TNIK: variants seen among roughly 807,000 people sequenced by gnomAD.
The protein encoded by TNIK is TRAF2 and NCK-interacting protein kinase.
In TNIK, 49 loss-of-function variants were observed where a neutral mutation model predicts 191.3. That is an observed-to-expected ratio of 0.26 (90% CI 0.20 to 0.32). TNIK has a LOEUF of 0.32. Ranked by LOEUF, TNIK falls within the 10% of genes least tolerant of loss-of-function variation. The pLI is 1.00. For missense variants in TNIK, 1,155 were observed against 1,702.3 expected, an observed-to-expected ratio of 0.68 and a Z score of 5.66; for synonymous variants, 594 against 600.9, an observed-to-expected ratio of 0.99 and a Z score of 0.17.
intron 9 of TNIK, 78 bp from the exon 10 acceptor site, chr3:171,167,348 G>C (rs1734738040): frequency 5.2e-6 from 8 of 1,540,876 alleles, no homozygotes; most frequent in Non-Finnish European, 7.0e-6. Context: ...TGAAATGCTG[G>C]GACTTTTTCT....
intron 2 of TNIK, among the ~76,000 whole-genome samples, chr3:171,278,795 G>A (rs919337426): frequency 6.6e-6 from 1 of 152,178 alleles, no homozygotes; most frequent in African/African-American, 2.4e-5. Context: ...CCACTTGACT[G>A]TCAAAAGAAC....
In TNIK at chr3:171,346,538, G is replaced by A. The variant is rs112900487; in HGVS notation, c.123+23082C>T. The stretch of plus-strand genomic sequence containing the variant: ...GGTAAGCAAAGTAGACAAGTCTCTG[G>A]CCTCATGGAGCTTATAGTCTGATAA... On this transcript the variant is annotated intron_variant, in intron 2 of 32. Coordinates refer to ENST00000436636, the MANE Select transcript of TNIK (RefSeq NM_015028.4). Among the ~76,000 whole-genome samples the A allele has an allele frequency of 4.3e-4, 65 of 152,184 alleles. 1 individual carries two copies. Among genetic ancestry groups the A allele is most frequent in the African/African-American group, 1.6e-3 (65 of 41,500 alleles).
chr3:171,272,070 C>T (rs1749171278), intron 2 of TNIK, among the ~76,000 whole-genome samples: 2 of 152,132 alleles, frequency 1.3e-5, no homozygotes, highest in South Asian at 4.1e-4. Context: ...TAGCCACCAC[C>T]CGGAGATGGT....
In TNIK at chr3:171,108,169, GA is replaced by G. The variant is rs773199959; in HGVS notation, c.2285-8del. On this transcript the variant is annotated splice_polypyrimidine_tract_variant and splice_region_variant and intron_variant, in intron 19 of 32. Transcript: ENST00000436636. ...CCTTCTGACTTACTGTTGGCTAGAG[GA>G]AAAAAACAGAGGACCAAGAAAGAGA... 2.5e-5 allele frequency: 38 copies of G among 1,526,432 alleles called. No homozygotes were observed. Among genetic ancestry groups the G allele is most frequent in the East Asian group, 2.4e-5 (1 of 41,144 alleles). 94.6% of individuals were successfully genotyped at this position (1,526,432 alleles called of 1,614,324 possible).
At chr3:171,229,718 T>C (rs1015876439) in intron 2 of TNIK, among the ~76,000 whole-genome samples, 2 of 152,166 alleles carry the variant, frequency 1.3e-5, no homozygotes, top group African/African-American at 2.4e-5. Flanking sequence ...ATCTATTTAC[T>C]CTGATTCTGA....
intron 1 of TNIK, among the ~76,000 whole-genome samples, chr3:171,406,766 G>A (rs534482842): frequency 6.6e-6 from 1 of 152,206 alleles, no homozygotes; most frequent in African/African-American, 2.4e-5. Flanking sequence ...TTCTAGTAAA[G>A]AGCCCAAGAA....
chr3:171,088,047 C>A (rs776756353), intron 23 of TNIK, among the ~76,000 whole-genome samples: 2 of 152,170 alleles, frequency 1.3e-5, no homozygotes, highest in Middle Eastern at 3.2e-3. Flanking sequence ...TCAGATCTGA[C>A]AGGAGTTCCA....
intron 22 of TNIK, among the ~76,000 whole-genome samples, chr3:171,096,233 A>G (rs1230255271): frequency 6.6e-6 from 1 of 151,424 alleles, no homozygotes; most frequent in Admixed American, 6.6e-5. Context: ...TCCTAGTCAG[A>G]CCTGCTTCCT....
At chr3:171,194,130 A>C (rs924564143) in intron 5 of TNIK, among the ~76,000 whole-genome samples, 2 of 152,242 alleles carry the variant, frequency 1.3e-5, no homozygotes, top group African/African-American at 4.8e-5. Flanking sequence ...TTAATTGTGA[A>C]CTTTCACAAA....
chr3:171,139,707 T>C (rs1576936952), intron 13 of TNIK, among the ~76,000 whole-genome samples, 151 bp from the exon 14 acceptor site: 1 of 152,142 alleles, frequency 6.6e-6, no homozygotes, highest in Middle Eastern at 3.2e-3. Context: ...AGGAAGAGTA[T>C]GTCACATGGA....
chr3:171,244,783 G>A lies in TNIK; in HGVS notation c.124-16562C>T, dbSNP rs189795084. Among the ~76,000 whole-genome samples, 219 of 151,186 alleles carry A rather than the reference G, an allele frequency of 1.4e-3. 3 individuals are homozygous for A. Among genetic ancestry groups the A allele is most frequent in the African/African-American group, 5.1e-3 (213 of 41,376 alleles). The stretch of plus-strand genomic sequence containing the variant: ...CTTTATTAGAAAAATCAACTCAATA[G>A]TGATAGGATGACAACTTACTGCTTC... On this transcript the variant is annotated intron_variant, in intron 2 of 32. Transcript: ENST00000436636.
chr3:171,066,051 T>G (rs1308235479), intron 32 of TNIK, 136 bp downstream of exon 32: 1 of 1,193,190 alleles, frequency 8.4e-7, no homozygotes, highest in Non-Finnish European at 1.2e-6. Context: ...TCAAACCAAA[T>G]AATGCCATTT....
At chr3:171,292,114 A>G (rs1751753251) in intron 2 of TNIK, among the ~76,000 whole-genome samples, 2 of 152,134 alleles carry the variant, frequency 1.3e-5, no homozygotes, top group Admixed American at 6.6e-5. Flanking sequence ...GAAATTCCCT[A>G]TATTTTCACT....
At chr3:171,337,639 C>T (rs1352613664) in intron 2 of TNIK, among the ~76,000 whole-genome samples, 1 of 152,182 alleles carries the variant, frequency 6.6e-6, no homozygotes, top group East Asian at 1.9e-4. Context: ...ATACTTCTTA[C>T]CTGCTGACTG....
chr3:171,261,277 T>G (rs2109129460), intron 2 of TNIK, among the ~76,000 whole-genome samples: 1 of 152,356 alleles, frequency 6.6e-6, no homozygotes, highest in African/African-American at 2.4e-5. Flanking sequence ...TCCCTTTTTT[T>G]GCTTAGTAAA....
intron 2 of TNIK, among the ~76,000 whole-genome samples, chr3:171,336,797 T>A (rs1447893926): frequency 6.6e-6 from 1 of 152,150 alleles, no homozygotes; most frequent in Non-Finnish European, 1.5e-5. Flanking sequence ...CAAATAAATA[T>A]CATGTTTAAG....
chr3:171,101,182 A>G (rs1723490450), intron 22 of TNIK, among the ~76,000 whole-genome samples: 1 of 152,266 alleles, frequency 6.6e-6, no homozygotes, highest in East Asian at 1.9e-4. Context: ...TGAAAAGAAC[A>G]AGAAAGAGTC....
At chr3:171,227,764 G>A (rs145746907) in intron 3 of TNIK, among the ~76,000 whole-genome samples, 14 of 152,252 alleles carry the variant, frequency 9.2e-5, no homozygotes, top group Non-Finnish European at 1.0e-4. Flanking sequence ...CAAATATAGA[G>A]ATGGTCCCTC....
At position 171,345,439 on chromosome 3, in the gene TNIK, T is replaced by G. The variant is rs150899099; in HGVS notation, c.123+24181A>C. On this transcript the variant is annotated intron_variant, in intron 2 of 32. Transcript: ENST00000436636. ...TTTTTAGGTGAAAACACCGAGTTTTTTTTTTTTCTTTACTTTTGCCACATG... is the reference window on the plus strand; with the variant it reads ...TTTTTAGGTGAAAACACCGAGTTTTGTTTTTTTCTTTACTTTTGCCACATG... Among the ~76,000 whole-genome samples, 282 of 152,226 alleles carry G rather than the reference T, an allele frequency of 1.9e-3. 2 individuals are homozygous for G. The highest frequency in any genetic ancestry group is 6.2e-3 in the African/African-American group (259 of 41,578).
Sources: gnomAD v4.1 joint callset for allele counts (sites outside exome capture counted in the v4.1 genomes callset) on GRCh38, gnomAD v4.1.1 for gene constraint, MANE v1.5 for transcripts, NCBI Gene and HGNC (gene_info 2026-07-23, HGNC 2026-07-21) for gene names.